DNM3: variants seen among roughly 807,000 people sequenced by gnomAD.
DNM3 encodes the protein dynamin-3.
DNM3 carries 47 observed loss-of-function variants against 101.6 expected under a neutral mutation model. That is an observed-to-expected ratio of 0.46 (90% CI 0.37 to 0.59). DNM3 has a LOEUF of 0.59. DNM3 is among the 20% of genes least tolerant of loss of function. The pLI, the probability that DNM3 is intolerant of heterozygous loss-of-function variation, is 0.00. For synonymous variants in DNM3, 385 were observed against 387.9 expected, an observed-to-expected ratio of 0.99 and a Z score of 0.09; for missense variants, 849 against 1,085.7, an observed-to-expected ratio of 0.78 and a Z score of 3.06.
intron 1 of DNM3, among the ~76,000 whole-genome samples, chr1:171,867,698 A>G (rs1476071592): frequency 6.6e-6 from 1 of 152,138 alleles, no homozygotes; most frequent in Non-Finnish European, 1.5e-5. Flanking sequence ...GACATTTTTA[A>G]TGGGTTCCAA....
chr1:171,897,081 T>TA (rs1324946285), intron 1 of DNM3, among the ~76,000 whole-genome samples: 11 of 145,168 alleles, frequency 7.6e-5, no homozygotes, highest in Non-Finnish European at 1.5e-4. Context: ...ATATATATAT[T>TA]TTTTAGCATC....
intron 2 of DNM3, among the ~76,000 whole-genome samples, chr1:171,961,732 G>A (rs2043223556): frequency 6.6e-6 from 1 of 152,014 alleles, no homozygotes; most frequent in Admixed American, 6.6e-5. Context: ...GATAAACAAG[G>A]TATGATACAT....
chr1:171,865,832 G>T (rs1258508473), intron 1 of DNM3, among the ~76,000 whole-genome samples: 2 of 152,080 alleles, frequency 1.3e-5, no homozygotes, highest in Admixed American at 6.6e-5. Flanking sequence ...TCTCATCAGG[G>T]TTTAGCTGGG....
At chr1:171,997,567 G>A (rs1030811405) in intron 4 of DNM3, among the ~76,000 whole-genome samples, 1 of 152,052 alleles carries the variant, frequency 6.6e-6, no homozygotes, top group African/African-American at 2.4e-5. Flanking sequence ...TTATTTATTG[G>A]CACCCCAGAT....
At chr1:171,894,065 G>A (rs2037539560) in intron 1 of DNM3, among the ~76,000 whole-genome samples, 1 of 150,358 alleles carries the variant, frequency 6.7e-6, no homozygotes, top group African/African-American at 2.5e-5. Flanking sequence ...CTCATGATCT[G>A]CCCACCTCGG....
Position 172,337,749 on chromosome 1 carries a change from A to G in DNM3, c.1893+14409A>G, listed in dbSNP as rs116343979. On this transcript the variant is annotated intron_variant, in intron 17 of 20. Coordinates refer to ENST00000627582, the MANE Select transcript of DNM3 (RefSeq NM_015569.5). ...GTGGGCCATCTGCCTTGCATCAGAC[A>G]TAGCCAAGTTGCTAATTAAAAATGC... 9.3e-3 allele frequency among the ~76,000 whole-genome samples: 1,413 copies of G among 152,276 alleles called. 30 individuals carry two copies. Among genetic ancestry groups the G allele is most frequent in the African/African-American group, 0.032 (1,334 of 41,564 alleles).
chr1:171,888,559 G>A (rs908824056), intron 1 of DNM3, among the ~76,000 whole-genome samples: 2 of 152,080 alleles, frequency 1.3e-5, no homozygotes, highest in African/African-American at 4.8e-5. Context: ...TTTCAGTCTC[G>A]GGATGATAAT....
intron 15 of DNM3, among the ~76,000 whole-genome samples, chr1:172,299,185 G>A (rs2064316437): frequency 6.6e-6 from 1 of 152,142 alleles, no homozygotes; most frequent in African/African-American, 2.4e-5. Context: ...TGACACACGA[G>A]GAACTAAAGA....
chr1:172,381,603 A>ATTC (rs1558067859), intron 18 of DNM3, among the ~76,000 whole-genome samples: 66 of 152,152 alleles, frequency 4.3e-4, no homozygotes, highest in Admixed American at 2.2e-3. Context: ...CAGAATGCCC[A>ATTC]AGCCTATTTT....
intron 1 of DNM3, chr1:171,864,241 A>G (rs971778278): frequency 3.3e-5 from 5 of 152,242 alleles, no homozygotes; most frequent in African/African-American, 9.6e-5. Context: ...TTCTTGGCAT[A>G]CCATTTAAGA....
intron 14 of DNM3, among the ~76,000 whole-genome samples, chr1:172,251,867 A>G (rs2062182772): frequency 6.6e-6 from 1 of 152,104 alleles, no homozygotes; most frequent in Admixed American, 6.6e-5. Flanking sequence ...AAGCATTTTC[A>G]TTTGATTATG....
intron 1 of DNM3, among the ~76,000 whole-genome samples, chr1:171,917,166 C>G (rs1411205759): frequency 2.0e-5 from 3 of 152,142 alleles, no homozygotes; most frequent in Non-Finnish European, 4.4e-5. Context: ...GTTATGCCTC[C>G]CATCTTCAGT....
intron 15 of DNM3, among the ~76,000 whole-genome samples, chr1:172,281,165 TC>T (rs1414768440): frequency 6.6e-6 from 1 of 151,908 alleles, no homozygotes; most frequent in Non-Finnish European, 1.5e-5. Context: ...AACAAGACAC[TC>T]CTCCAGATTT....
At chr1:172,379,644 C>G (rs2068789794) in intron 18 of DNM3, among the ~76,000 whole-genome samples, 1 of 151,990 alleles carries the variant, frequency 6.6e-6, no homozygotes, top group South Asian at 2.1e-4. Context: ...CTATGGAATG[C>G]TATTTTAACC....
At chr1:172,265,881 T>C (rs1573208698) in intron 15 of DNM3, among the ~76,000 whole-genome samples, 3 of 152,118 alleles carry the variant, frequency 2.0e-5, no homozygotes, top group African/African-American at 7.2e-5. Flanking sequence ...CTCCTTGGGG[T>C]TGTAGAGCCT....
chr1:171,882,705 G>C (rs1035824829), intron 1 of DNM3, among the ~76,000 whole-genome samples: 5 of 151,760 alleles, frequency 3.3e-5, no homozygotes, highest in African/African-American at 1.2e-4. Flanking sequence ...GAATAATCTC[G>C]TAACTCCATT....
At chr1:172,160,303 A>C (rs2058500364) in intron 14 of DNM3, among the ~76,000 whole-genome samples, 1 of 152,108 alleles carries the variant, frequency 6.6e-6, no homozygotes, top group Admixed American at 6.6e-5. Context: ...TTTACTTTAT[A>C]AACTTTCAAA....
intron 19 of DNM3, 88 bp downstream of exon 19, chr1:172,387,447 G>A: frequency 1.9e-6 from 2 of 1,061,242 alleles, no homozygotes; most frequent in East Asian, 2.6e-5. Context: ...CACGAGGTCA[G>A]GAGATCGAGA....
chr1:172,033,279 T>C lies in DNM3; in HGVS notation c.849+14T>C. 1.3e-6 allele frequency: 2 copies of C among 1,577,068 alleles called. No homozygotes were observed. The highest frequency in any genetic ancestry group is 1.2e-5 in the South Asian group (1 of 85,520). ...GTCCTTAATCAGGTAAAAATGTTCT[T>C]TCAAGCAACAAGAACAATTATGAAA... On this transcript the variant is annotated intron_variant, in intron 6 of 20. Transcript: ENST00000627582.
Sources: allele counts gnomAD v4.1 joint callset (sites outside exome capture counted in the v4.1 genomes callset), GRCh38; gene constraint gnomAD v4.1.1; transcripts MANE v1.5; gene names NCBI Gene and HGNC (gene_info 2026-07-23, HGNC 2026-07-21).